The following ZNF438 variants were observed in gnomAD, a reference collection of about 807,000 sequenced individuals.
ZNF438 encodes zinc finger protein 438.
Under a neutral mutation model 38.0 loss-of-function variants are expected in ZNF438, and 25 were observed. The observed-to-expected ratio is 0.66, with a 90% confidence interval of 0.48 to 0.92. The LOEUF (loss-of-function observed/expected upper bound fraction) is 0.92. Ranked by LOEUF, ZNF438 falls within the 40% of genes least tolerant of loss-of-function variation. The probability of loss-of-function intolerance (pLI) is 0.00; values close to 1 mark genes in which losing one functional copy is unlikely to be tolerated. For missense variants in ZNF438, 1,007 were observed against 999.6 expected (o/e 1.01, Z -0.10); for synonymous variants, 372 against 364.1 (o/e 1.02, Z -0.25).
intron 5 of ZNF438, among the ~76,000 whole-genome samples, chr10:30,847,429 T>A (rs1288303508): frequency 6.6e-6 from 1 of 152,060 alleles, no homozygotes; most frequent in Non-Finnish European, 1.5e-5. Context: ...CCCCCTGCAG[T>A]TCAACTCTGA....
chr10:30,861,511 A>T (rs1428954795), intron 4 of ZNF438, among the ~76,000 whole-genome samples: 2 of 152,036 alleles, frequency 1.3e-5, no homozygotes, highest in South Asian at 2.1e-4. Context: ...AGTGGCAATT[A>T]AAAAAAATAA....
intron 3 of ZNF438, among the ~76,000 whole-genome samples, chr10:30,905,397 T>C (rs187804775): frequency 1.8e-4 from 27 of 152,356 alleles, no homozygotes; most frequent in Non-Finnish European, 3.1e-4. Flanking sequence ...CATTGGCAAT[T>C]TGCAGATCTT....
rs142875170 is a variant in ZNF438, at chr10:30,982,799, A to G, written c.-191-41148T>C. Reference sequence around the variant, plus strand: ...TTCTTATAAGTCTTTTAATATTTATAGAAATTTAAAATAGTTATCATGCTA... The same window carrying G: ...TTCTTATAAGTCTTTTAATATTTATGGAAATTTAAAATAGTTATCATGCTA... On this transcript the variant is annotated intron_variant, in intron 1 of 5. Transcript: ENST00000413025. 7.2e-5 allele frequency among the ~76,000 whole-genome samples: 11 copies of G among 152,358 alleles called. No individual in the cohort carries two copies. In the East Asian group the frequency reaches 2.1e-3, roughly 29 times the overall value.
At chr10:30,951,098 G>A (rs950255007) in intron 1 of ZNF438, among the ~76,000 whole-genome samples, 8 of 143,756 alleles carry the variant, frequency 5.6e-5, no homozygotes, top group Admixed American at 2.8e-4. Flanking sequence ...TTCAATATAC[G>A]CAAATCAATA....
At chr10:30,897,656 C>T (rs1022353007) in intron 3 of ZNF438, among the ~76,000 whole-genome samples, 11 of 152,204 alleles carry the variant, frequency 7.2e-5, no homozygotes, top group African/African-American at 2.7e-4. Flanking sequence ...TATGACATCA[C>T]AGAGATGAGC....
intron 1 of ZNF438, among the ~76,000 whole-genome samples, chr10:30,991,460 G>C (rs1460725727): frequency 6.6e-6 from 1 of 152,146 alleles, no homozygotes; most frequent in Non-Finnish European, 1.5e-5. Context: ...TATCCATAGG[G>C]GCAAGCCAAG....
At chr10:30,896,892 T>C (rs778112226) in intron 3 of ZNF438, among the ~76,000 whole-genome samples, 3 of 152,230 alleles carry the variant, frequency 2.0e-5, no homozygotes, top group Non-Finnish European at 4.4e-5. Flanking sequence ...ACATGAAGCA[T>C]AGGCCTTGTA....
rs538155989 is a variant in ZNF438 at position 30,917,066 on chromosome 10, T to C, written c.-114-8051A>G. Among the ~76,000 whole-genome samples the C allele has an allele frequency of 2.6e-5, 4 of 152,208 alleles. No individual in the cohort carries two copies. In the South Asian group the frequency reaches 8.3e-4, roughly 32 times the overall value. ...TTCCATAAGTTTTTTTACAAATGCATATACCTTGTAACCCAAATCATTACC... is the reference window on the plus strand; with the variant it reads ...TTCCATAAGTTTTTTTACAAATGCACATACCTTGTAACCCAAATCATTACC... On this transcript the variant is annotated intron_variant, in intron 2 of 5. Transcript: ENST00000413025.
intron 2 of ZNF438, among the ~76,000 whole-genome samples, chr10:30,923,680 T>C (rs1483357401): frequency 1.3e-5 from 2 of 152,238 alleles, no homozygotes; most frequent in Non-Finnish European, 2.9e-5. Context: ...TGCCAATTTG[T>C]ATATCCTCAT....
At chr10:30,894,681 G>A (rs781329502) in intron 3 of ZNF438, among the ~76,000 whole-genome samples, 138 of 152,084 alleles carry the variant, frequency 9.1e-4, no homozygotes, top group Non-Finnish European at 1.3e-3. Flanking sequence ...GAAGAAAAAA[G>A]GAACAATGGC....
chr10:30,844,684 A>G (rs1322938488), exon 6 of ZNF438: 2 of 339,918 alleles, frequency 5.9e-6, no homozygotes, highest in African/African-American at 2.1e-5. Flanking sequence ...GCTAAATTTC[A>G]ATCTTCAAAT....
chr10:31,018,371 G>A (rs903093653), intron 1 of ZNF438, among the ~76,000 whole-genome samples: 1 of 152,158 alleles, frequency 6.6e-6, no homozygotes, highest in African/African-American at 2.4e-5. Context: ...TACTGGCAAG[G>A]ACGAATCAAC....
intron 1 of ZNF438, among the ~76,000 whole-genome samples, chr10:31,006,079 T>C (rs1303208947): frequency 1.3e-5 from 2 of 152,202 alleles, no homozygotes; most frequent in Non-Finnish European, 2.9e-5. Flanking sequence ...TATGATATTG[T>C]GAAATATATA....
At chr10:30,888,045 A>C (rs1166061677) in intron 3 of ZNF438, among the ~76,000 whole-genome samples, 2 of 152,114 alleles carry the variant, frequency 1.3e-5, no homozygotes, top group Non-Finnish European at 2.9e-5. Flanking sequence ...TATGCATTTG[A>C]GTTGCTGCCA....
chr10:30,962,703 T>TA lies in ZNF438; in HGVS notation c.-191-21053dup, dbSNP rs1445026029. Among the ~76,000 whole-genome samples, 2 of 147,402 alleles carry TA rather than the reference T, an allele frequency of 1.4e-5. 1 individual carries two copies. The highest frequency in any genetic ancestry group is 3.1e-5 in the Non-Finnish European group (2 of 65,036). On this transcript the variant is annotated intron_variant, in intron 1 of 5. Coordinates refer to ENST00000413025, the Ensembl canonical transcript of ZNF438. ...AATACAGTGTGAGAAGCAAGTTGGA[T>TA]ATAGCTTCCGGCTCATTGTCACACT...
chr10:30,900,787 G>C (rs1441018379), intron 3 of ZNF438, among the ~76,000 whole-genome samples: 1 of 152,142 alleles, frequency 6.6e-6, no homozygotes, highest in Non-Finnish European at 1.5e-5. Context: ...GATAGTTAAT[G>C]CTCATCAATA....
At chr10:30,993,410 T>C (rs2088025) in intron 1 of ZNF438, among the ~76,000 whole-genome samples, 113,732 of 152,168 alleles carry the variant, frequency 0.75, 43,397 homozygotes, top group African/African-American at 0.88. Flanking sequence ...GCCCCAGTCA[T>C]GACCCAAGTA....
intron 1 of ZNF438, among the ~76,000 whole-genome samples, chr10:31,008,564 C>T (rs752111751): frequency 2.0e-5 from 3 of 152,166 alleles, no homozygotes; most frequent in Non-Finnish European, 4.4e-5. Flanking sequence ...GATCCTTTCA[C>T]TTAGCATGTT....
At chr10:30,976,559 T>C (rs1482877578) in intron 1 of ZNF438, among the ~76,000 whole-genome samples, 1 of 152,058 alleles carries the variant, frequency 6.6e-6, no homozygotes, top group Non-Finnish European at 1.5e-5. Context: ...CTGGGCAATA[T>C]AGCAAGGCCC....
Sources: gnomAD v4.1 joint callset for allele counts (sites outside exome capture counted in the v4.1 genomes callset) on GRCh38, gnomAD v4.1.1 for gene constraint, MANE v1.5 for transcripts, NCBI Gene and HGNC (gene_info 2026-07-23, HGNC 2026-07-21) for gene names.